Variants in GAB1 observed in about 807,000 individuals in gnomAD.
The protein encoded by GAB1 is GRB2-associated-binding protein 1.
In GAB1, 19 loss-of-function variants were observed where a neutral mutation model predicts 66.5. That is an observed-to-expected ratio of 0.29 (90% CI 0.20 to 0.42). The LOEUF (loss-of-function observed/expected upper bound fraction) is 0.42. Among genes scored for constraint, GAB1 ranks in the 10% least tolerant of loss-of-function variants. GAB1 has a pLI of 1.00. For missense variants in GAB1, 732 were observed against 858.5 expected (o/e 0.85, Z 1.84); for synonymous variants, 294 against 301.4 (o/e 0.98, Z 0.25).
chr4:143,376,817 A>C (rs1730438900), intron 1 of GAB1: 1 of 152,228 alleles, frequency 6.6e-6, no homozygotes, highest in Admixed American at 6.5e-5. Context: ...TTTATGTTGT[A>C]CTTCATCAAA....
At chr4:143,354,803 C>T (rs1729376480) in intron 1 of GAB1, among the ~76,000 whole-genome samples, 2 of 152,094 alleles carry the variant, frequency 1.3e-5, no homozygotes, top group African/African-American at 4.8e-5. Flanking sequence ...CTGCTTATGC[C>T]AGTGATTCTT....
At chr4:143,403,881 T>A (rs1253477455) in intron 1 of GAB1, among the ~76,000 whole-genome samples, 1 of 152,234 alleles carries the variant, frequency 6.6e-6, no homozygotes, top group East Asian at 1.9e-4. Flanking sequence ...TATCTTGTTC[T>A]GGAAGCTTTA....
At chr4:143,392,582 GATGACCAGAAAGAAT>G (rs1205681975) in intron 1 of GAB1, among the ~76,000 whole-genome samples, 1 of 152,184 alleles carries the variant, frequency 6.6e-6, no homozygotes, top group African/African-American at 2.4e-5. Flanking sequence ...GACCTTGCCA[GATGACCAGAAAGAAT>G]ATGGGTTGAT....
At chr4:143,385,413 T>G (rs1730853146) in intron 1 of GAB1, among the ~76,000 whole-genome samples, 1 of 152,220 alleles carries the variant, frequency 6.6e-6, no homozygotes. Context: ...CAAATCTTTA[T>G]GAAAAGATGC....
chr4:143,432,413 A>G (rs1733704871), intron 2 of GAB1, among the ~76,000 whole-genome samples: 1 of 152,160 alleles, frequency 6.6e-6, no homozygotes, highest in South Asian at 2.1e-4. Context: ...CGTGACCAGG[A>G]AGGATTAGGA....
intron 1 of GAB1, among the ~76,000 whole-genome samples, chr4:143,345,534 A>AT (rs1728958933): frequency 6.6e-6 from 1 of 151,786 alleles, no homozygotes; most frequent in East Asian, 1.9e-4. Flanking sequence ...TTTTTTATTT[A>AT]TTTTCTTTTG....
chr4:143,410,453 A>G (rs1182780677), intron 1 of GAB1, among the ~76,000 whole-genome samples: 1 of 152,226 alleles, frequency 6.6e-6, no homozygotes, highest in Non-Finnish European at 1.5e-5. Flanking sequence ...ATCCAGGTTA[A>G]AAAATGTTTC....
intron 3 of GAB1, among the ~76,000 whole-genome samples, chr4:143,436,843 AAGTTGTC>A (rs1733965157): frequency 6.6e-6 from 1 of 152,196 alleles, no homozygotes; most frequent in African/African-American, 2.4e-5. Context: ...AAGATGATGG[AAGTTGTC>A]AGCATTCAGA....
intron 1 of GAB1, among the ~76,000 whole-genome samples, chr4:143,347,265 C>A (rs1344172862): frequency 3.9e-5 from 6 of 152,194 alleles, no homozygotes; most frequent in South Asian, 2.1e-4. Flanking sequence ...ATTGTAAATT[C>A]TCTTGTCCAA....
intron 1 of GAB1, among the ~76,000 whole-genome samples, chr4:143,357,599 C>T (rs1729501295): frequency 6.6e-6 from 1 of 152,022 alleles, no homozygotes; most frequent in Non-Finnish European, 1.5e-5. Context: ...GTAGGGATGA[C>T]AGTGTGATGA....
intron 6 of GAB1, among the ~76,000 whole-genome samples, chr4:143,440,718 A>G (rs1210611071): frequency 2.0e-5 from 3 of 152,202 alleles, no homozygotes; most frequent in African/African-American, 4.8e-5. Context: ...ACACTGCTAC[A>G]ATCCTTTGTT....
At chr4:143,417,900 C>T (rs968890192) in intron 2 of GAB1, among the ~76,000 whole-genome samples, 2 of 152,196 alleles carry the variant, frequency 1.3e-5, no homozygotes, top group African/African-American at 2.4e-5. Flanking sequence ...CGTGCATTTC[C>T]GAACATCTAC....
chr4:143,457,763 A>G (rs776126448), intron 6 of GAB1: 2 of 1,550,158 alleles, frequency 1.3e-6, no homozygotes, highest in African/African-American at 1.4e-5. Flanking sequence ...TGCTACAAGA[A>G]GAAAGGGTAT....
chr4:143,353,233 C>A (rs1029364269), intron 1 of GAB1, among the ~76,000 whole-genome samples: 2 of 152,114 alleles, frequency 1.3e-5, no homozygotes, highest in Non-Finnish European at 1.5e-5. Flanking sequence ...TTCTAATATT[C>A]TTTCCCATTG....
At chr4:143,350,077 G>C (rs1397506667) in intron 1 of GAB1, 20 of 1,456,226 alleles carry the variant, frequency 1.4e-5, no homozygotes, top group Non-Finnish European at 1.8e-5. Flanking sequence ...AGGGCCACCA[G>C]GGCCTCCGGG....
chr4:143,431,802 T>G (rs907060613), intron 2 of GAB1, among the ~76,000 whole-genome samples: 2 of 152,140 alleles, frequency 1.3e-5, no homozygotes, highest in African/African-American at 4.8e-5. Context: ...CTACTGACCA[T>G]ACAGAAAGAC....
chr4:143,433,378 G>A (rs1733775712), intron 2 of GAB1, 113 bp from the exon 3 acceptor site: 8 of 719,530 alleles, frequency 1.1e-5, no homozygotes, highest in Middle Eastern at 3.5e-4. Context: ...AGCTGACATT[G>A]TCATGATTTA....
intron 1 of GAB1, among the ~76,000 whole-genome samples, chr4:143,394,135 A>G (rs1199675656): frequency 1.3e-5 from 2 of 152,110 alleles, no homozygotes; most frequent in African/African-American, 4.8e-5. Context: ...TTAGCTGGGC[A>G]TGGTGGCACG....
intron 6 of GAB1, among the ~76,000 whole-genome samples, chr4:143,448,566 A>C (rs1734705151): frequency 1.3e-5 from 2 of 151,524 alleles, no homozygotes; most frequent in South Asian, 4.2e-4. Context: ...TAGATTTTCT[A>C]GTTTATTTGC....
Sources: gnomAD v4.1 joint callset for allele counts (sites outside exome capture counted in the v4.1 genomes callset) on GRCh38, gnomAD v4.1.1 for gene constraint, MANE v1.5 for transcripts, NCBI Gene and HGNC (gene_info 2026-07-23, HGNC 2026-07-21) for gene names.